Variants in GIGYF2 observed in about 807,000 individuals in gnomAD.
GIGYF2 encodes GRB10 interacting GYF protein 2, also known as GRB10-interacting GYF protein 2.
A neutral mutation model predicts 208.1 loss-of-function variants in GIGYF2; 25 were observed. The observed-to-expected ratio is 0.12, with a 90% CI of 0.09 to 0.17. The LOEUF is 0.17. GIGYF2 is among the 10% of genes least tolerant of loss of function. The probability of loss-of-function intolerance (pLI) is 1.00; values close to 1 mark genes in which losing one functional copy is unlikely to be tolerated. For missense variants in GIGYF2, 1,302 were observed against 1,579.4 expected, an observed-to-expected ratio of 0.82 and a Z score of 2.98; for synonymous variants, 534 against 543.8, an observed-to-expected ratio of 0.98 and a Z score of 0.25.
intron 23 of GIGYF2, among the ~76,000 whole-genome samples, chr2:232,842,120 A>G (rs1366540145): frequency 6.6e-6 from 1 of 151,930 alleles, no homozygotes; most frequent in Non-Finnish European, 1.5e-5. Context: ...GATTATAGGC[A>G]TGGGCCACCA....
intron 2 of GIGYF2, among the ~76,000 whole-genome samples, chr2:232,709,014 C>T (rs1006314348): frequency 1.3e-5 from 2 of 151,840 alleles, no homozygotes; most frequent in East Asian, 1.9e-4. Context: ...CCCAGCTACG[C>T]GGGAGGCTGT....
At chr2:232,721,628 T>G (rs1259857310) in intron 2 of GIGYF2, among the ~76,000 whole-genome samples, 1 of 152,224 alleles carries the variant, frequency 6.6e-6, no homozygotes, top group Non-Finnish European at 1.5e-5. Context: ...ACACATTTTC[T>G]AGTTTAGGTG....
intron 8 of GIGYF2, among the ~76,000 whole-genome samples, chr2:232,763,302 T>C (rs996609825): frequency 6.6e-6 from 1 of 152,142 alleles, no homozygotes; most frequent in Non-Finnish European, 1.5e-5. Context: ...TGATAATGCC[T>C]TACAGAATTT....
chr2:232,809,431 TAC>T (rs1293524620), intron 15 of GIGYF2, among the ~76,000 whole-genome samples: 2 of 152,320 alleles, frequency 1.3e-5, no homozygotes, highest in East Asian at 3.9e-4. Context: ...AACTCTGAAG[TAC>T]AGTTGAACAT....
intron 2 of GIGYF2, among the ~76,000 whole-genome samples, chr2:232,713,935 A>C (rs1437875977): frequency 2.7e-5 from 4 of 147,546 alleles, no homozygotes; most frequent in Non-Finnish European, 5.9e-5. Flanking sequence ...CCCTTGAGGA[A>C]CTGATTTTTT....
chr2:232,819,724 T>A, intron 20 of GIGYF2, 103 bp from the exon 21 acceptor site: 1 of 705,900 alleles, frequency 1.4e-6, no homozygotes, highest in Non-Finnish European at 2.6e-6. Context: ...TTTAACAGAG[T>A]CTTAGCAGCA....
intron 21 of GIGYF2, among the ~76,000 whole-genome samples, chr2:232,832,016 G>A (rs989922493): frequency 3.9e-5 from 6 of 152,136 alleles, no homozygotes; most frequent in African/African-American, 1.4e-4. Flanking sequence ...CAAAGGTAGT[G>A]GTTATTGGAT....
chr2:232,742,020 A>G (rs1422523204), intron 3 of GIGYF2, among the ~76,000 whole-genome samples: 2 of 146,598 alleles, frequency 1.4e-5, no homozygotes, highest in South Asian at 2.1e-4. Context: ...CCCACTTAAC[A>G]TCTCCTTCCT....
intron 21 of GIGYF2, among the ~76,000 whole-genome samples, chr2:232,821,866 G>A (rs755502307): frequency 1.3e-5 from 2 of 151,388 alleles, no homozygotes; most frequent in Non-Finnish European, 2.9e-5. Flanking sequence ...GGTTGTTCCA[G>A]TGCCTGTTTT....
intron 8 of GIGYF2, among the ~76,000 whole-genome samples, chr2:232,783,510 C>A (rs1216749355): frequency 6.6e-6 from 1 of 151,934 alleles, no homozygotes; most frequent in Non-Finnish European, 1.5e-5. Flanking sequence ...AATGAAGTAG[C>A]CTGAATTTAC....
chr2:232,755,260 T>G (rs941252324), intron 5 of GIGYF2, among the ~76,000 whole-genome samples: 1 of 152,154 alleles, frequency 6.6e-6, no homozygotes, highest in African/African-American at 2.4e-5. Flanking sequence ...AGCCTCTGCC[T>G]CCTGGGCTCA....
chr2:232,738,816 A>G (rs936639730), intron 3 of GIGYF2, among the ~76,000 whole-genome samples: 1 of 152,188 alleles, frequency 6.6e-6, no homozygotes, highest in Non-Finnish European at 1.5e-5. Flanking sequence ...TATTAAATCA[A>G]AAGTTTTATT....
intron 18 of GIGYF2, among the ~76,000 whole-genome samples, 171 bp downstream of exon 18, chr2:232,812,662 A>C (rs1700768110): frequency 6.6e-6 from 1 of 152,172 alleles, no homozygotes; most frequent in African/African-American, 2.4e-5. Flanking sequence ...TGTTACTGAA[A>C]ATATACTTTT....
intron 8 of GIGYF2, among the ~76,000 whole-genome samples, chr2:232,784,442 A>T (rs34526827): frequency 0.073 from 8,928 of 122,216 alleles, 364 homozygotes; most frequent in East Asian, 0.13. Flanking sequence ...CAGGCTGGAG[A>T]GCAGTGGCGT....
chr2:232,832,806 C>A, intron 21 of GIGYF2, 51 bp from the exon 22 acceptor site: 1 of 1,342,342 alleles, frequency 7.4e-7, no homozygotes, highest in Non-Finnish European at 1.0e-6. Context: ...TCAGATTTTT[C>A]CCCCCACAAT....
chr2:232,747,827 T>A (rs776027318), intron 4 of GIGYF2, 83 bp downstream of exon 4: 22 of 1,306,208 alleles, frequency 1.7e-5, no homozygotes, highest in African/African-American at 1.6e-4. Flanking sequence ...GAAAACTGAT[T>A]TATTTTACTA....
At chr2:232,782,204 TA>T (rs1229962110) in intron 8 of GIGYF2, among the ~76,000 whole-genome samples, 1 of 152,106 alleles carries the variant, frequency 6.6e-6, no homozygotes, top group East Asian at 1.9e-4. Context: ...TATTTCTTTT[TA>T]AAAAATTTTT....
intron 2 of GIGYF2, among the ~76,000 whole-genome samples, chr2:232,703,789 G>T (rs572491196): frequency 6.6e-6 from 1 of 152,334 alleles, no homozygotes; most frequent in East Asian, 1.9e-4. Flanking sequence ...TTGACTTCAT[G>T]AGGGACATGA....
chr2:232,795,494 T>C (rs1402015251), intron 13 of GIGYF2, among the ~76,000 whole-genome samples: 1 of 152,254 alleles, frequency 6.6e-6, no homozygotes, highest in East Asian at 1.9e-4. Context: ...GTAAAACTTG[T>C]AAAACGTTTC....
Sources: allele counts gnomAD v4.1 joint callset (sites outside exome capture counted in the v4.1 genomes callset), GRCh38; gene constraint gnomAD v4.1.1; transcripts MANE v1.5; gene names NCBI Gene and HGNC (gene_info 2026-07-23, HGNC 2026-07-21).